Variants in CYTIP observed in about 807,000 individuals in gnomAD.
CYTIP encodes the protein cytohesin 1 interacting protein.
In CYTIP, 26 loss-of-function variants were observed where a neutral mutation model predicts 43.8. The observed-to-expected ratio is 0.59, with a 90% confidence interval of 0.44 to 0.82. CYTIP has a LOEUF of 0.82. Ranked by LOEUF, CYTIP falls within the 40% of genes least tolerant of loss-of-function variation. The pLI is 0.00. For synonymous variants in CYTIP, 162 were observed against 162.9 expected (o/e 0.99, Z 0.04); for missense variants, 426 against 443.1 (o/e 0.96, Z 0.35).
At chr2:157,429,421 A>G (rs1381360036) in intron 5 of CYTIP, among the ~76,000 whole-genome samples, 2 of 152,218 alleles carry the variant, frequency 1.3e-5, no homozygotes, top group African/African-American at 4.8e-5. Flanking sequence ...CTTACCTAGC[A>G]TGACAGGCCA....
At chr2:157,440,150 G>T (rs1158082512) in intron 1 of CYTIP, among the ~76,000 whole-genome samples, 2 of 151,994 alleles carry the variant, frequency 1.3e-5, no homozygotes, top group African/African-American at 2.4e-5. Context: ...TGTTTCAAAG[G>T]CCCCAAAATT....
rs181139994 is a variant in CYTIP, at chr2:157,421,988, G to A, written c.547-3399C>T. Among the ~76,000 whole-genome samples the A allele has an allele frequency of 2.2e-4, 33 of 152,360 alleles. No homozygotes were observed. The East Asian group carries it at 6.0e-3, about 28-fold the overall frequency. On this transcript the variant is annotated intron_variant, in intron 6 of 7. Coordinates refer to ENST00000264192, the MANE Select transcript of CYTIP (RefSeq NM_004288.5). ...CTATCTGAAACACAGGTCTGAGACA[G>A]GTTTTCCGCTTAAGAAAAAAACATT... is the stretch of plus-strand genomic sequence containing the variant.
At chr2:157,416,820 T>G (rs1685445835) in intron 7 of CYTIP, among the ~76,000 whole-genome samples, 2 of 152,204 alleles carry the variant, frequency 1.3e-5, no homozygotes, top group Non-Finnish European at 2.9e-5. Context: ...TAATAATTTA[T>G]TTGAAGAAAT....
chr2:157,434,476 T>A, intron 2 of CYTIP, 52 bp from the exon 3 acceptor site: 1 of 1,346,588 alleles, frequency 7.4e-7, no homozygotes, highest in Non-Finnish European at 1.1e-6. Flanking sequence ...AAGTATCACA[T>A]TTGGCACAGA....
At chr2:157,419,390 T>A (rs1167065947) in intron 6 of CYTIP, among the ~76,000 whole-genome samples, 1 of 152,188 alleles carries the variant, frequency 6.6e-6, no homozygotes, top group Non-Finnish European at 1.5e-5. Context: ...GCACCCTAAC[T>A]TCTTAACTGC....
chr2:157,443,928 G>T lies in CYTIP; in HGVS notation c.93C>A (p.Thr31=), dbSNP rs1480680508. The T allele has an allele frequency of 6.2e-7, 1 of 1,614,138 alleles. No homozygotes were observed. The highest frequency in any genetic ancestry group is 2.2e-5 in the East Asian group (1 of 44,882). Residue 31 remains threonine (T), a synonymous_variant, in exon 1 of 8, where the codon ACC becomes ACA. Coordinates refer to ENST00000264192, the MANE Select transcript of CYTIP (RefSeq NM_004288.5). ...TATTATCGTCCATCGTAAGGCTGCC[G>T]GTGAGTGTGGAGTAAGAGCTATACG... is the stretch of plus-strand genomic sequence containing the variant. The part of the protein sequence containing the change: ...GPAYSSYSTL[T]GSLTMDDNRR...
At chr2:157,442,426 G>T (rs1170535376) in intron 1 of CYTIP, among the ~76,000 whole-genome samples, 1 of 151,196 alleles carries the variant, frequency 6.6e-6, no homozygotes, top group Non-Finnish European at 1.5e-5. Flanking sequence ...GGACATAGAG[G>T]GTGGAAAGTT....
chr2:157,426,814 C>T (rs529300512), intron 6 of CYTIP, among the ~76,000 whole-genome samples: 26 of 152,278 alleles, frequency 1.7e-4, no homozygotes, highest in South Asian at 1.0e-3. Flanking sequence ...TTCAATGGAC[C>T]TCCTGCATTA....
intron 5 of CYTIP, among the ~76,000 whole-genome samples, chr2:157,429,033 T>G (rs1042984750): frequency 1.3e-5 from 2 of 152,176 alleles, no homozygotes; most frequent in African/African-American, 4.8e-5. Context: ...TTCAGGCACT[T>G]CATCTATAAA....
At chr2:157,441,633 C>T (rs756122101) in intron 1 of CYTIP, among the ~76,000 whole-genome samples, 13 of 142,078 alleles carry the variant, frequency 9.1e-5, no homozygotes, top group Admixed American at 2.8e-4. Flanking sequence ...CACACACACA[C>T]ACACACGTGT....
Position 157,415,686 on chromosome 2 carries a change from A to C in CYTIP, c.1071T>G (p.Ser357Arg). 6.2e-7 allele frequency: 1 copy of C among 1,605,196 alleles called. No individual in the cohort carries two copies. Residue 357 changes from serine (S) to arginine (R), a missense_variant, in exon 8 of 8, where the codon AGT (serine) becomes AGG (arginine). By Grantham distance (110) the Ser-to-Arg change is moderately radical. Coordinates refer to ENST00000264192, the MANE Select transcript of CYTIP (RefSeq NM_004288.5). ...GLHRAVEEEESRF is the reference protein window; with the variant it reads ...GLHRAVEEEERRF ...AGGACACCACAATCCGTCAAAAGCGACTTTCTTCCTCTTCCACAGCACGAT... is the reference window on the plus strand; with the variant it reads ...AGGACACCACAATCCGTCAAAAGCGCCTTTCTTCCTCTTCCACAGCACGAT...
At chr2:157,419,329 C>T (rs1685484830) in intron 6 of CYTIP, among the ~76,000 whole-genome samples, 1 of 152,174 alleles carries the variant, frequency 6.6e-6, no homozygotes, top group Non-Finnish European at 1.5e-5. Context: ...AAAAGGAGAA[C>T]AGAACTATCT....
chr2:157,440,588 G>A (rs1685890154), intron 1 of CYTIP, among the ~76,000 whole-genome samples: 1 of 152,182 alleles, frequency 6.6e-6, no homozygotes, highest in Non-Finnish European at 1.5e-5. Context: ...GAAAGCTCCT[G>A]CAGGGCAGAG....
At chr2:157,418,762 G>A (rs1166924129) in intron 6 of CYTIP, among the ~76,000 whole-genome samples, 173 bp from the exon 7 acceptor site, 1 of 151,998 alleles carries the variant, frequency 6.6e-6, no homozygotes, top group Non-Finnish European at 1.5e-5. Context: ...GGAGGATATT[G>A]AGAATACTAT....
At chr2:157,418,638 C>T (rs1334745813) in intron 6 of CYTIP, 49 bp from the exon 7 acceptor site, 7 of 1,489,680 alleles carry the variant, frequency 4.7e-6, no homozygotes, top group South Asian at 1.3e-5. Flanking sequence ...TAGGAAACCC[C>T]AGTGAAGCTA....
In CYTIP at chr2:157,442,542, T is replaced by G. The variant is rs539170524; in HGVS notation, c.174+1305A>C. On this transcript the variant is annotated intron_variant, in intron 1 of 7. Coordinates refer to ENST00000264192, the MANE Select transcript of CYTIP (RefSeq NM_004288.5). ...TGGTGTGATAGTGTCATGGCAAATATAAAGAAAATCTGACTGCTTTATATC... is the reference window on the plus strand; with the variant it reads ...TGGTGTGATAGTGTCATGGCAAATAGAAAGAAAATCTGACTGCTTTATATC... 2.6e-5 allele frequency among the ~76,000 whole-genome samples: 4 copies of G among 151,704 alleles called. No individual in the cohort carries two copies. In the South Asian group the frequency reaches 8.3e-4, roughly 32 times the overall value.
intron 5 of CYTIP, 24 bp from the exon 6 acceptor site, chr2:157,427,444 A>G (rs1300687742): frequency 6.4e-7 from 1 of 1,557,708 alleles, no homozygotes; most frequent in Admixed American, 1.9e-5. Flanking sequence ...AAAAAAAAGA[A>G]GAGGAAGGTG....
chr2:157,418,300 C>A (rs999486970), intron 7 of CYTIP, among the ~76,000 whole-genome samples: 14 of 152,188 alleles, frequency 9.2e-5, no homozygotes, highest in African/African-American at 3.4e-4. Flanking sequence ...CATCTGTGTG[C>A]ATGTGCATCT....
Position 157,434,359 on chromosome 2 carries a change from A to G in CYTIP, c.279+11T>C. The G allele has an allele frequency of 6.2e-7, 1 of 1,609,938 alleles. No individual in the cohort carries two copies. The highest frequency in any genetic ancestry group is 8.5e-7 in the Non-Finnish European group (1 of 1,176,338). Reference sequence around the variant, plus strand: ...TTCCTTGGAAGTCTAGAAAATGTGAAAATTGCCCACCTGAATTTCAAATCC... The same window carrying G: ...TTCCTTGGAAGTCTAGAAAATGTGAGAATTGCCCACCTGAATTTCAAATCC... On this transcript the variant is annotated intron_variant, in intron 3 of 7. Transcript: ENST00000264192.
Sources: allele counts gnomAD v4.1 joint callset (sites outside exome capture counted in the v4.1 genomes callset), GRCh38; gene constraint gnomAD v4.1.1; transcripts MANE v1.5; gene names NCBI Gene and HGNC (gene_info 2026-07-23, HGNC 2026-07-21).